The following OSBPL8 variants were observed in gnomAD, a reference collection of about 807,000 sequenced individuals.
OSBPL8 encodes oxysterol-binding protein-related protein 8.
Under a neutral mutation model 125.5 loss-of-function variants are expected in OSBPL8, and 59 were observed. The observed-to-expected ratio is 0.47, with a 90% CI of 0.38 to 0.58. The LOEUF (loss-of-function observed/expected upper bound fraction) is 0.58, where lower values mean the gene tolerates loss of function less well. Ranked by LOEUF, OSBPL8 falls within the 20% of genes least tolerant of loss-of-function variation. The pLI, the probability that OSBPL8 is intolerant of heterozygous loss-of-function variation, is 0.00. For synonymous variants in OSBPL8, 330 were observed against 338.9 expected (o/e 0.97, Z 0.29); for missense variants, 758 against 1,047.8 (o/e 0.72, Z 3.82).
chr12:76,553,513 A>AC (rs1951004578), intron 1 of OSBPL8, among the ~76,000 whole-genome samples: 1 of 151,382 alleles, frequency 6.6e-6, no homozygotes, highest in Non-Finnish European at 1.5e-5. Context: ...AAAAAAAAAA[A>AC]AACTTAAAAA....
intron 21 of OSBPL8, among the ~76,000 whole-genome samples, chr12:76,365,814 T>C (rs1055511511): frequency 1.3e-5 from 2 of 152,224 alleles, no homozygotes; most frequent in Admixed American, 6.5e-5. Context: ...GAAAGGGTGA[T>C]GGATTTTGTC....
chr12:76,401,519 A>G (rs1447611463), intron 6 of OSBPL8, among the ~76,000 whole-genome samples: 2 of 152,204 alleles, frequency 1.3e-5, no homozygotes, highest in African/African-American at 4.8e-5. Flanking sequence ...CTTATTTTAC[A>G]GACACGAAAA....
chr12:76,436,045 C>T (rs1871401427), intron 4 of OSBPL8, among the ~76,000 whole-genome samples: 1 of 152,176 alleles, frequency 6.6e-6, no homozygotes, highest in Admixed American at 6.5e-5. Flanking sequence ...CAGCCATTCT[C>T]TCTAAGCATG....
intron 1 of OSBPL8, among the ~76,000 whole-genome samples, chr12:76,507,474 C>T (rs963422926): frequency 6.6e-6 from 1 of 151,540 alleles, no homozygotes; most frequent in Non-Finnish European, 1.5e-5. Context: ...CAGGATGTCC[C>T]AGGAGCTTTT....
At chr12:76,436,244 C>A (rs931968458) in intron 4 of OSBPL8, among the ~76,000 whole-genome samples, 13 of 152,108 alleles carry the variant, frequency 8.5e-5, no homozygotes, top group African/African-American at 3.1e-4. Context: ...CTGGCTGCCA[C>A]ACTCCAAAAA....
At chr12:76,457,836 A>G (rs983494750) in intron 3 of OSBPL8, among the ~76,000 whole-genome samples, 4 of 152,210 alleles carry the variant, frequency 2.6e-5, no homozygotes, top group African/African-American at 7.2e-5. Context: ...TTAAAATGCT[A>G]TTCTATTTAT....
At chr12:76,469,103 C>A (rs761134596) in intron 2 of OSBPL8, among the ~76,000 whole-genome samples, 1 of 152,142 alleles carries the variant, frequency 6.6e-6, no homozygotes, top group Admixed American at 6.6e-5. Flanking sequence ...TAGTTTCCAA[C>A]CTATTTTCTC....
intron 17 of OSBPL8, 47 bp downstream of exon 17, chr12:76,375,226 T>C: frequency 7.9e-7 from 1 of 1,259,812 alleles, no homozygotes; most frequent in Non-Finnish European, 1.1e-6. Context: ...ATATTTATTG[T>C]ATGGCTCTCC....
At chr12:76,365,969 T>C (rs1330766088) in intron 21 of OSBPL8, among the ~76,000 whole-genome samples, 2 of 152,240 alleles carry the variant, frequency 1.3e-5, no homozygotes, top group East Asian at 1.9e-4. Context: ...CTTTCTAATA[T>C]GCTACTGAAT....
intron 2 of OSBPL8, among the ~76,000 whole-genome samples, chr12:76,462,671 G>A (rs1372123667): frequency 6.6e-6 from 1 of 152,066 alleles, no homozygotes; most frequent in Non-Finnish European, 1.5e-5. Context: ...ACTAGGGGGG[G>A]AAATAAGTAA....
At chr12:76,383,959 C>CA (rs1266974409) in intron 15 of OSBPL8, among the ~76,000 whole-genome samples, 1 of 152,034 alleles carries the variant, frequency 6.6e-6, no homozygotes, top group East Asian at 1.9e-4. Context: ...AAATGAAACA[C>CA]AAAAAACTGG....
chr12:76,384,481 A>AT, intron 14 of OSBPL8, 131 bp from the exon 15 acceptor site: 1 of 465,850 alleles, frequency 2.1e-6, no homozygotes, highest in Non-Finnish European at 3.5e-6. Flanking sequence ...AAAACATTTA[A>AT]TAAGTAGTAA....
intron 1 of OSBPL8, among the ~76,000 whole-genome samples, chr12:76,553,613 C>T (rs1298407976): frequency 6.6e-6 from 1 of 150,876 alleles, no homozygotes; most frequent in Non-Finnish European, 1.5e-5. Context: ...GTCGAGGCTG[C>T]AGTGAGCCAT....
At chr12:76,402,405 C>T (rs976532166) in intron 6 of OSBPL8, among the ~76,000 whole-genome samples, 2 of 152,116 alleles carry the variant, frequency 1.3e-5, no homozygotes, top group Non-Finnish European at 2.9e-5. Flanking sequence ...GATAATATAC[C>T]TAGTTTGGAT....
chr12:76,358,640 A>C, intron 22 of OSBPL8, 66 bp downstream of exon 22: 1 of 1,313,560 alleles, frequency 7.6e-7, no homozygotes, highest in Non-Finnish European at 1.1e-6. Flanking sequence ...GAAAAACCAT[A>C]TTCATATCAA....
At position 76,372,790 on chromosome 12, in the gene OSBPL8, A is replaced by T. The variant is rs1355886770; in HGVS notation, c.1917+554T>A. ...GAAGTAAATAAAAGCCATTGCTCTC[A>T]CACACCACTATATCCTTTCCATGTT... On this transcript the variant is annotated intron_variant, in intron 18 of 23. Coordinates refer to ENST00000261183, the MANE Select transcript of OSBPL8 (RefSeq NM_020841.5). Among the ~76,000 whole-genome samples the T allele has an allele frequency of 2.6e-5, 4 of 152,302 alleles. No homozygotes were observed. In the East Asian group the frequency reaches 7.7e-4, roughly 29 times the overall value.
chr12:76,517,502 T>C (rs1881664151), intron 1 of OSBPL8, among the ~76,000 whole-genome samples: 1 of 152,154 alleles, frequency 6.6e-6, no homozygotes, highest in African/African-American at 2.4e-5. Context: ...CTCGTACATA[T>C]ATATAAAAAA....
At position 76,527,400 on chromosome 12, in the gene OSBPL8, C is replaced by G. The variant is rs558711257; in HGVS notation, c.-68+31997G>C. Among the ~76,000 whole-genome samples the G allele has an allele frequency of 3.4e-4, 52 of 152,250 alleles. No homozygotes were observed. The South Asian group carries it at 0.011, about 31-fold the overall frequency. The stretch of plus-strand genomic sequence containing the variant: ...AAAGTCAGCTCTTCAAAAGAAAAAT[C>G]AGTTCAAGTAGGAAACCAAAACAAT... On this transcript the variant is annotated intron_variant, in intron 1 of 23. Transcript: ENST00000261183.
chr12:76,516,914 A>G, intron 1 of OSBPL8, among the ~76,000 whole-genome samples: 1 of 151,152 alleles, frequency 6.6e-6, no homozygotes, highest in Non-Finnish European at 1.5e-5. Context: ...TCCTGGGTTC[A>G]AGTGATTCTC....
Sources: allele counts gnomAD v4.1 joint callset (sites outside exome capture counted in the v4.1 genomes callset), GRCh38; gene constraint gnomAD v4.1.1; transcripts MANE v1.5; gene names NCBI Gene and HGNC (gene_info 2026-07-23, HGNC 2026-07-21).